Variants in LZTFL1 observed in about 807,000 individuals in gnomAD.
LZTFL1 encodes leucine zipper transcription factor-like protein 1.
Under a neutral mutation model 45.9 loss-of-function variants are expected in LZTFL1, and 25 were observed. That is an observed-to-expected ratio of 0.54 (90% confidence interval 0.40 to 0.76). LZTFL1 has a LOEUF of 0.76. Ranked by LOEUF, LZTFL1 falls within the 30% of genes least tolerant of loss-of-function variation. The pLI, the probability that LZTFL1 is intolerant of heterozygous loss-of-function variation, is 0.00. For missense variants in LZTFL1, 277 were observed against 331.1 expected (o/e 0.84, Z 1.27); for synonymous variants, 93 against 117.4 (o/e 0.79, Z 1.35).
intron 2 of LZTFL1, among the ~76,000 whole-genome samples, chr3:45,859,793 C>T (rs548467346): frequency 2.2e-4 from 34 of 152,140 alleles, no homozygotes; most frequent in African/African-American, 3.9e-4. Context: ...CCCACCACCA[C>T]ACCCGGCTAA....
intron 2 of LZTFL1, chr3:45,902,845 T>C (rs1702601663): frequency 6.0e-6 from 1 of 167,122 alleles, no homozygotes; most frequent in Admixed American, 6.5e-5. Flanking sequence ...TGAGCAGATA[T>C]GGGCAGCAGC....
intron 2 of LZTFL1, among the ~76,000 whole-genome samples, chr3:45,861,851 A>G (rs1378099712): frequency 6.6e-6 from 1 of 152,222 alleles, no homozygotes; most frequent in Non-Finnish European, 1.5e-5. Flanking sequence ...TATGGAAGCC[A>G]AAAGCTGTGA....
intron 1 of LZTFL1, among the ~76,000 whole-genome samples, chr3:45,914,004 A>G (rs1467316054): frequency 6.6e-6 from 1 of 152,218 alleles, no homozygotes; most frequent in East Asian, 1.9e-4. Flanking sequence ...TTCATTTAGA[A>G]ACATCCTCCT....
At position 45,870,849 on chromosome 3, in the gene LZTFL1, T is replaced by C. The variant is rs79775845; in HGVS notation, c.-214-11833A>G. ...GCTAAGCACTGTGGCTATTTGATAT[T>C]AATCCTTCTAAAGGCTTTCTCTGCA... is the stretch of plus-strand genomic sequence containing the variant. On this transcript the variant is annotated intron_variant, in intron 2 of 4. Transcript: ENST00000472635. Among the ~76,000 whole-genome samples the C allele has an allele frequency of 8.9e-3, 1,349 of 152,350 alleles. 21 individuals are homozygous for C. Among genetic ancestry groups the C allele is most frequent in the African/African-American group, 0.031 (1,279 of 41,574 alleles).
chr3:45,852,441 T>G (rs570949138), intron 4 of LZTFL1, among the ~76,000 whole-genome samples: 1 of 152,328 alleles, frequency 6.6e-6, no homozygotes, highest in South Asian at 2.1e-4. Flanking sequence ...TATGGGGGAC[T>G]GACTAAATGA....
chr3:45,891,494 T>C (rs1702178457), intron 2 of LZTFL1, among the ~76,000 whole-genome samples: 1 of 152,198 alleles, frequency 6.6e-6, no homozygotes, highest in Non-Finnish European at 1.5e-5. Flanking sequence ...TTTTGAATCC[T>C]TTGAGAATAT....
chr3:45,875,218 A>ATGAGCTCTG (rs1202590173), intron 2 of LZTFL1, among the ~76,000 whole-genome samples: 1 of 151,856 alleles, frequency 6.6e-6, no homozygotes, highest in African/African-American at 2.4e-5. Flanking sequence ...TGTGAGCTCT[A>ATGAGCTCTG]TGAGGGTATG....
intron 2 of LZTFL1, among the ~76,000 whole-genome samples, chr3:45,871,661 T>C (rs143837313): frequency 0.011 from 1,548 of 134,686 alleles, 31 homozygotes; most frequent in African/African-American, 0.048. Flanking sequence ...AAGTCTGTGG[T>C]ATGTGTATGT....
chr3:45,866,850 A>G (rs1367402124), intron 2 of LZTFL1, among the ~76,000 whole-genome samples: 4 of 152,222 alleles, frequency 2.6e-5, no homozygotes, highest in African/African-American at 7.2e-5. Context: ...TGTGTAGCTA[A>G]AAATAAGATA....
intron 2 of LZTFL1, among the ~76,000 whole-genome samples, chr3:45,910,895 T>C (rs778152818): frequency 2.6e-5 from 4 of 152,312 alleles, no homozygotes; most frequent in East Asian, 1.9e-4. Context: ...GGGTCTCTCA[T>C]GTGGCTGCAG....
At chr3:45,839,984 C>T (rs941770858) in intron 1 of LZTFL1, among the ~76,000 whole-genome samples, 1 of 152,174 alleles carries the variant, frequency 6.6e-6, no homozygotes, top group Non-Finnish European at 1.5e-5. Context: ...CTGATTACTA[C>T]CTCGTATTAT....
rs1404673956 is a variant in LZTFL1, at chr3:45,842,111, G to A, written c.-120C>T. 6.5e-7 allele frequency: 1 copy of A among 1,544,604 alleles called. No homozygotes were observed. The highest frequency in any genetic ancestry group is 2.4e-5 in the East Asian group (1 of 41,318). ...ATGGGGAAGGAGGGTAGGTTGTTTA[G>A]AAGCCTCTGGTTGCTAACGGAAACC... On this transcript the variant is annotated 5_prime_UTR_variant, in exon 1 of 10. Coordinates refer to ENST00000296135, the MANE Select transcript of LZTFL1 (RefSeq NM_020347.4).
chr3:45,907,430 G>A (rs1360595276), intron 2 of LZTFL1, among the ~76,000 whole-genome samples: 1 of 152,196 alleles, frequency 6.6e-6, no homozygotes, highest in Admixed American at 6.5e-5. Context: ...GTGCTTCAAG[G>A]AACCTGTCTC....
At chr3:45,904,715 C>T (rs1272616420) in intron 2 of LZTFL1, among the ~76,000 whole-genome samples, 2 of 152,216 alleles carry the variant, frequency 1.3e-5, no homozygotes, top group Non-Finnish European at 2.9e-5. Context: ...TTTCGTGAAG[C>T]ATTCATGAGT....
At chr3:45,892,845 G>A (rs1215367524) in intron 2 of LZTFL1, among the ~76,000 whole-genome samples, 1 of 152,186 alleles carries the variant, frequency 6.6e-6, no homozygotes, top group South Asian at 2.1e-4. Flanking sequence ...CAGCAGAGAG[G>A]TTACCAGGAG....
intron 7 of LZTFL1, among the ~76,000 whole-genome samples, chr3:45,829,439 C>T (rs1255688939): frequency 6.6e-6 from 1 of 151,486 alleles, no homozygotes; most frequent in Admixed American, 6.6e-5. Context: ...CCCGTCTCTA[C>T]AAAAAATATA....
chr3:45,907,579 C>T (rs182769212), intron 2 of LZTFL1, among the ~76,000 whole-genome samples: 21 of 152,302 alleles, frequency 1.4e-4, no homozygotes, highest in African/African-American at 4.6e-4. Context: ...CTGGCCGAAG[C>T]GTCCCTTCTC....
At position 45,834,244 on chromosome 3, in the gene LZTFL1, G is replaced by A; in HGVS notation, c.378C>T (p.Asn126=). The change falls in exon 4 of 10, where the codon AAC becomes AAT. Residue 126 remains asparagine, a synonymous_variant. Transcript: ENST00000296135. ...EFEKAEITSS[N]KKPILDVTKP... ...AGAATGACCAAAAAGTTACCTTTTTGTTTGAAGATGTAATCTCTGCTTTTT... is the reference window on the plus strand; with the variant it reads ...AGAATGACCAAAAAGTTACCTTTTTATTTGAAGATGTAATCTCTGCTTTTT... 6.3e-7 allele frequency: 1 copy of A among 1,587,262 alleles called. No individual in the cohort carries two copies. The highest frequency in any genetic ancestry group is 8.6e-7 in the Non-Finnish European group (1 of 1,158,616).
At chr3:45,846,958 T>C (rs1015778978), upstream of LZTFL1, among the ~76,000 whole-genome samples, 1 of 152,218 alleles carries the variant, frequency 6.6e-6, no homozygotes, top group African/African-American at 2.4e-5. Context: ...GAAGGGTCCA[T>C]GTCATAAAAG....
Sources: allele counts gnomAD v4.1 joint callset (sites outside exome capture counted in the v4.1 genomes callset), GRCh38; gene constraint gnomAD v4.1.1; transcripts MANE v1.5; gene names NCBI Gene and HGNC (gene_info 2026-07-23, HGNC 2026-07-21).